Variants in SYNJ2BP observed in about 807,000 individuals in gnomAD.
The protein encoded by SYNJ2BP is synaptojanin-2-binding protein.
SYNJ2BP carries 10 observed loss-of-function variants against 16.9 expected under a neutral mutation model. That is an observed-to-expected ratio of 0.59 (90% confidence interval 0.36 to 1.00). SYNJ2BP has a LOEUF of 1.00. Among genes scored for constraint, SYNJ2BP ranks in the 50% least tolerant of loss-of-function variants. The pLI, the probability that SYNJ2BP is intolerant of heterozygous loss-of-function variation, is 0.01. For synonymous variants in SYNJ2BP, 54 were observed against 68.4 expected, an observed-to-expected ratio of 0.79 and a Z score of 1.04; for missense variants, 162 against 186.7, an observed-to-expected ratio of 0.87 and a Z score of 0.77.
intron 1 of SYNJ2BP, among the ~76,000 whole-genome samples, chr14:70,411,933 G>T (rs1431257937): frequency 2.6e-5 from 4 of 152,192 alleles, no homozygotes; most frequent in African/African-American, 7.2e-5. Context: ...GAGACTTTGT[G>T]TAAGCAAGAG....
intron 1 of SYNJ2BP, among the ~76,000 whole-genome samples, chr14:70,410,405 C>A (rs1888445780): frequency 6.6e-6 from 1 of 152,094 alleles, no homozygotes; most frequent in Non-Finnish European, 1.5e-5. Flanking sequence ...GCCTCGGTGA[C>A]AAAGTAAGAC....
At chr14:70,392,330 A>G (rs1887996405) in intron 1 of SYNJ2BP, among the ~76,000 whole-genome samples, 1 of 152,248 alleles carries the variant, frequency 6.6e-6, no homozygotes, top group Non-Finnish European at 1.5e-5. Context: ...GAAGCAAATC[A>G]AAGTCAGAAG....
chr14:70,369,261 T>G lies in SYNJ2BP; in HGVS notation c.*3730A>C, dbSNP rs770504694. ...GGGCCTACAGGAATGCACCACTAAT[T>G]TGTTTGACTTTTAGTAAAGACAGGG... On this transcript the variant is annotated 3_prime_UTR_variant, in exon 4 of 4. Coordinates refer to ENST00000256366, the MANE Select transcript of SYNJ2BP (RefSeq NM_018373.3). 6.6e-6 allele frequency: 1 copy of G among 152,060 alleles called. No homozygotes were observed. The highest frequency in any genetic ancestry group is 1.5e-5 in the Non-Finnish European group (1 of 68,018). 9.4% of individuals were successfully genotyped at this position (152,060 alleles called of 1,614,324 possible).
At chr14:70,414,169 T>G (rs1185201184) in intron 1 of SYNJ2BP, among the ~76,000 whole-genome samples, 1 of 152,218 alleles carries the variant, frequency 6.6e-6, no homozygotes, top group Non-Finnish European at 1.5e-5. Context: ...TGGTAAGTGA[T>G]TAACATGAAC....
intron 1 of SYNJ2BP, among the ~76,000 whole-genome samples, chr14:70,414,377 A>T (rs1364352314): frequency 1.3e-5 from 2 of 152,238 alleles, no homozygotes; most frequent in African/African-American, 4.8e-5. Flanking sequence ...TGATACAGAA[A>T]TCAAACCATT....
chr14:70,390,127 G>C (rs571508933), intron 1 of SYNJ2BP, among the ~76,000 whole-genome samples: 2 of 152,106 alleles, frequency 1.3e-5, no homozygotes, highest in Non-Finnish European at 2.9e-5. Flanking sequence ...CAATGACTAA[G>C]TGCTGGAAAG....
At chr14:70,388,846 T>C (rs1031820958) in intron 1 of SYNJ2BP, among the ~76,000 whole-genome samples, 6 of 152,158 alleles carry the variant, frequency 3.9e-5, no homozygotes, top group African/African-American at 1.2e-4. Flanking sequence ...GTGATCCACC[T>C]GTTTTGTTCA....
At chr14:70,403,163 A>C (rs950710329) in intron 1 of SYNJ2BP, among the ~76,000 whole-genome samples, 3 of 152,246 alleles carry the variant, frequency 2.0e-5, no homozygotes, top group Non-Finnish European at 4.4e-5. Context: ...CAATGGAATA[A>C]GTAATCAAGG....
rs546425564 is a variant in SYNJ2BP, at chr14:70,388,403, T to C, written c.201+67A>G. The C allele has an allele frequency of 7.5e-5, 106 of 1,409,214 alleles. No individual in the cohort carries two copies. The African/African-American group carries it at 1.4e-3, about 18-fold the overall frequency. The allele number at this position is 1,409,214 out of a possible 1,614,324, so 87.3% of individuals were successfully genotyped here. ...TCCAAATCTTTTCAAGGAAAAGGGA[T>C]AGGGAGGGGTAGGACCTAGGGCTTA... On this transcript the variant is annotated intron_variant, in intron 2 of 3. Coordinates refer to ENST00000256366, the MANE Select transcript of SYNJ2BP (RefSeq NM_018373.3).
At chr14:70,409,613 AACTGTTCCATTT>A (rs1265395576) in intron 1 of SYNJ2BP, among the ~76,000 whole-genome samples, 1 of 152,184 alleles carries the variant, frequency 6.6e-6, no homozygotes, top group Non-Finnish European at 1.5e-5. Context: ...ATCTTTAGAG[AACTGTTCCATTT>A]ACCTGACTCT....
At chr14:70,399,084 C>G (rs954996727) in intron 1 of SYNJ2BP, among the ~76,000 whole-genome samples, 1 of 150,200 alleles carries the variant, frequency 6.7e-6, no homozygotes, top group African/African-American at 2.4e-5. Flanking sequence ...CTGCAGTGCC[C>G]GTGGTGGGTG....
At chr14:70,414,354 T>G (rs989641238) in intron 1 of SYNJ2BP, among the ~76,000 whole-genome samples, 1 of 152,210 alleles carries the variant, frequency 6.6e-6, no homozygotes, top group East Asian at 1.9e-4. Flanking sequence ...TACATTCATT[T>G]GTAATAAATA....
At chr14:70,399,463 G>T (rs1888184691) in intron 1 of SYNJ2BP, among the ~76,000 whole-genome samples, 3 of 152,204 alleles carry the variant, frequency 2.0e-5, no homozygotes, top group African/African-American at 7.2e-5. Flanking sequence ...GGCAATGCAG[G>T]GCCAGGGTCT....
chr14:70,379,792 T>A (rs1230839018), intron 2 of SYNJ2BP, among the ~76,000 whole-genome samples: 2 of 152,218 alleles, frequency 1.3e-5, no homozygotes, highest in Non-Finnish European at 2.9e-5. Context: ...GATAGCTCTA[T>A]TTCTCATTAT....
intron 2 of SYNJ2BP, among the ~76,000 whole-genome samples, chr14:70,384,026 C>T (rs1228473411): frequency 2.0e-5 from 3 of 150,940 alleles, no homozygotes; most frequent in Non-Finnish European, 4.4e-5. Flanking sequence ...GGCGCGATCT[C>T]GGCTCACTGC....
chr14:70,385,910 C>T (rs1887850164), intron 2 of SYNJ2BP, among the ~76,000 whole-genome samples: 1 of 152,138 alleles, frequency 6.6e-6, no homozygotes, highest in Non-Finnish European at 1.5e-5. Flanking sequence ...AATAATCATG[C>T]CCACCTCATA....
chr14:70,375,635 A>G, intron 3 of SYNJ2BP, 41 bp downstream of exon 3: 1 of 1,598,898 alleles, frequency 6.3e-7, no homozygotes, highest in Non-Finnish European at 8.5e-7. Flanking sequence ...AGTACAGTGC[A>G]AAAGCCTGGT....
At chr14:70,380,098 G>A (rs1167828065) in intron 2 of SYNJ2BP, among the ~76,000 whole-genome samples, 1 of 152,120 alleles carries the variant, frequency 6.6e-6, no homozygotes, top group Non-Finnish European at 1.5e-5. Flanking sequence ...TGTAAGTTAG[G>A]AACCCCTATT....
At chr14:70,396,865 C>A (rs1391491882) in intron 1 of SYNJ2BP, among the ~76,000 whole-genome samples, 3 of 152,090 alleles carry the variant, frequency 2.0e-5, no homozygotes, top group African/African-American at 7.2e-5. Flanking sequence ...TGTAAAAGTT[C>A]TTTATATATG....
Sources: allele counts gnomAD v4.1 joint callset (sites outside exome capture counted in the v4.1 genomes callset), GRCh38; gene constraint gnomAD v4.1.1; transcripts MANE v1.5; gene names NCBI Gene and HGNC (gene_info 2026-07-23, HGNC 2026-07-21).